RHOBTB1: variants seen among roughly 807,000 people sequenced by gnomAD.
RHOBTB1 encodes the protein rho-related BTB domain-containing protein 1.
RHOBTB1 carries 40 observed loss-of-function variants against 71.6 expected under a neutral mutation model. The ratio of observed to expected loss-of-function variants is 0.56; its 90% CI spans 0.43 to 0.73. The LOEUF (loss-of-function observed/expected upper bound fraction) is 0.73. RHOBTB1 is among the 30% of genes least tolerant of loss of function. RHOBTB1 has a pLI of 0.00. For missense variants in RHOBTB1, 797 were observed against 894.0 expected, an observed-to-expected ratio of 0.89 and a Z score of 1.38; for synonymous variants, 319 against 334.9, an observed-to-expected ratio of 0.95 and a Z score of 0.52.
chr10:60,899,837 C>T (rs1284239821), intron 4 of RHOBTB1, among the ~76,000 whole-genome samples: 1 of 151,962 alleles, frequency 6.6e-6, no homozygotes, highest in Non-Finnish European at 1.5e-5. Flanking sequence ...GTGCTAAGTG[C>T]CAATTAGAAA....
intron 6 of RHOBTB1, among the ~76,000 whole-genome samples, chr10:60,886,726 G>T (rs10082528): frequency 0.028 from 3,948 of 140,334 alleles, 181 homozygotes; most frequent in African/African-American, 0.099. Flanking sequence ...GTGGGGGGGG[G>T]TGGGTCTGGC....
At chr10:60,924,279 A>T in intron 2 of RHOBTB1, among the ~76,000 whole-genome samples, 1 of 152,224 alleles carries the variant, frequency 6.6e-6, no homozygotes, top group East Asian at 1.9e-4. Context: ...AGACGATTTT[A>T]AAAACATGTA....
intron 8 of RHOBTB1, among the ~76,000 whole-genome samples, chr10:60,877,405 A>G (rs1269038494): frequency 1.3e-5 from 2 of 152,200 alleles, no homozygotes; most frequent in African/African-American, 2.4e-5. Flanking sequence ...GCCCCATTTT[A>G]AAGAGCGAGA....
At chr10:60,932,280 C>G (rs925580170) in intron 2 of RHOBTB1, among the ~76,000 whole-genome samples, 3 of 151,956 alleles carry the variant, frequency 2.0e-5, no homozygotes, top group Admixed American at 6.6e-5. Flanking sequence ...ATGGTTCAGG[C>G]AAACATAGAA....
intron 2 of RHOBTB1, among the ~76,000 whole-genome samples, chr10:60,973,507 T>A (rs193021790): frequency 6.6e-5 from 10 of 152,120 alleles, no homozygotes; most frequent in Non-Finnish European, 1.5e-4. Flanking sequence ...AAAAAGTAAT[T>A]TAGGGATTAC....
chr10:60,908,308 C>G (rs557970219), intron 4 of RHOBTB1, among the ~76,000 whole-genome samples: 1 of 152,316 alleles, frequency 6.6e-6, no homozygotes, highest in South Asian at 2.1e-4. Context: ...TCTGGCTTCT[C>G]TCACTGTCAC....
At chr10:60,969,159 T>C (rs1274109020) in intron 2 of RHOBTB1, among the ~76,000 whole-genome samples, 2 of 152,018 alleles carry the variant, frequency 1.3e-5, no homozygotes, top group Non-Finnish European at 2.9e-5. Context: ...TTTAATGAGG[T>C]AACATTAATG....
intron 8 of RHOBTB1, among the ~76,000 whole-genome samples, chr10:60,876,855 T>A (rs2081075342): frequency 6.6e-6 from 1 of 152,242 alleles, no homozygotes; most frequent in Non-Finnish European, 1.5e-5. Context: ...TCTTTTATTT[T>A]TTCTAAAGAC....
At chr10:60,997,066 C>T (rs1406160390) in intron 1 of RHOBTB1, among the ~76,000 whole-genome samples, 2 of 44,110 alleles carry the variant, frequency 4.5e-5, no homozygotes, top group Non-Finnish European at 7.2e-5. Flanking sequence ...TGGTTATGTA[C>T]ACACACACAC....
At chr10:60,954,696 A>T (rs529557429) in intron 2 of RHOBTB1, among the ~76,000 whole-genome samples, 129 of 152,346 alleles carry the variant, frequency 8.5e-4, no homozygotes, top group African/African-American at 3.0e-3. Flanking sequence ...GAAAAATTGG[A>T]TGGAAGGAAA....
chr10:60,868,493 T>C (rs1160654023), downstream of RHOBTB1, among the ~76,000 whole-genome samples: 1 of 152,216 alleles, frequency 6.6e-6, no homozygotes, highest in Non-Finnish European at 1.5e-5. Context: ...GCCTAGCCAA[T>C]GTCATAGTGA....
chr10:60,871,929 A>T, intron 10 of RHOBTB1: 1 of 604,896 alleles, frequency 1.7e-6, no homozygotes, highest in Non-Finnish European at 2.9e-6. Flanking sequence ...GGGGAAGGCC[A>T]CCACCTCTGC....
At chr10:60,903,721 T>G (rs950146770) in intron 4 of RHOBTB1, among the ~76,000 whole-genome samples, 75 of 150,950 alleles carry the variant, frequency 5.0e-4, no homozygotes, top group Non-Finnish European at 7.4e-4. Flanking sequence ...GCAGGGGGGG[T>G]TCTATCTCTG....
intron 4 of RHOBTB1, among the ~76,000 whole-genome samples, chr10:60,898,659 A>G (rs2082270631): frequency 6.6e-6 from 1 of 152,248 alleles, no homozygotes; most frequent in African/African-American, 2.4e-5. Context: ...CAGATAAATC[A>G]AGTTAATACT....
At chr10:60,901,157 T>C (rs886972050) in intron 4 of RHOBTB1, among the ~76,000 whole-genome samples, 5 of 152,138 alleles carry the variant, frequency 3.3e-5, no homozygotes, top group East Asian at 1.9e-4. Context: ...AGATGATACA[T>C]TGAAAAAAGA....
intron 2 of RHOBTB1, among the ~76,000 whole-genome samples, chr10:60,976,807 G>T (rs1284179283): frequency 6.6e-6 from 1 of 151,666 alleles, no homozygotes; most frequent in Non-Finnish European, 1.5e-5. Context: ...GTACTTTTTG[G>T]TTTCAAAAAT....
At chr10:60,976,449 T>C (rs2086318262) in intron 2 of RHOBTB1, among the ~76,000 whole-genome samples, 1 of 152,016 alleles carries the variant, frequency 6.6e-6, no homozygotes, top group Admixed American at 6.6e-5. Context: ...AGGTCAAGTG[T>C]ATCTAACTCC....
intron 4 of RHOBTB1, among the ~76,000 whole-genome samples, chr10:60,897,194 A>T (rs2082202303): frequency 3.3e-5 from 5 of 152,194 alleles, no homozygotes; most frequent in Admixed American, 2.6e-4. Flanking sequence ...GTTCTCAGAG[A>T]CTGTCTTTAT....
chr10:60,865,221 T>G (rs977292382), downstream of RHOBTB1, among the ~76,000 whole-genome samples: 2 of 152,232 alleles, frequency 1.3e-5, no homozygotes, highest in Non-Finnish European at 1.5e-5. Context: ...GAGACAGTTT[T>G]AACAATCTCC....
Sources: gnomAD v4.1 joint callset for allele counts (sites outside exome capture counted in the v4.1 genomes callset) on GRCh38, gnomAD v4.1.1 for gene constraint, MANE v1.5 for transcripts, NCBI Gene and HGNC (gene_info 2026-07-23, HGNC 2026-07-21) for gene names.